The following CSMD1 variants were observed in gnomAD, a reference collection of about 807,000 sequenced individuals.
CSMD1 encodes the protein CUB and Sushi multiple domains 1.
Under a neutral mutation model 417.5 loss-of-function variants are expected in CSMD1, and 213 were observed. The ratio of observed to expected loss-of-function variants is 0.51; its 90% CI spans 0.46 to 0.57. The LOEUF is 0.57. CSMD1 is among the 20% of genes least tolerant of loss of function. CSMD1 has a pLI of 0.00. For synonymous variants in CSMD1, 2,862 were observed against 1,736.8 expected, an observed-to-expected ratio of 1.65 and a Z score of -16.11; for missense variants, 6,923 against 4,529.7, an observed-to-expected ratio of 1.53 and a Z score of -15.17.
intron 3 of CSMD1, among the ~76,000 whole-genome samples, chr8:4,284,461 C>A (rs1014586023): frequency 6.6e-6 from 1 of 151,830 alleles, no homozygotes; most frequent in African/African-American, 2.4e-5. Flanking sequence ...CCCTCCCCGT[C>A]ACCATGTGGC....
At chr8:3,254,110 A>G (rs999379840) in intron 26 of CSMD1, among the ~76,000 whole-genome samples, 3 of 152,048 alleles carry the variant, frequency 2.0e-5, no homozygotes, top group Admixed American at 2.0e-4. Flanking sequence ...TCTGTAAAGG[A>G]TTTTATTTCT....
At chr8:4,869,084 G>A (rs1176018161) in intron 1 of CSMD1, among the ~76,000 whole-genome samples, 4 of 151,788 alleles carry the variant, frequency 2.6e-5, no homozygotes, top group East Asian at 1.9e-4. Flanking sequence ...TTTTAAAAGA[G>A]AAACAATTTC....
chr8:3,251,787 G>C (rs928943544), intron 26 of CSMD1, among the ~76,000 whole-genome samples: 1 of 152,156 alleles, frequency 6.6e-6, no homozygotes, highest in Non-Finnish European at 1.5e-5. Flanking sequence ...CACATCCCTT[G>C]TCAGTTGGAT....
intron 25 of CSMD1, among the ~76,000 whole-genome samples, chr8:3,286,274 C>G (rs1803148316): frequency 6.6e-6 from 1 of 152,104 alleles, no homozygotes; most frequent in African/African-American, 2.4e-5. Flanking sequence ...GTGAATAGTG[C>G]CGCTATAAAC....
chr8:4,787,362 A>T, intron 1 of CSMD1: 1 of 730,160 alleles, frequency 1.4e-6, no homozygotes, highest in South Asian at 1.5e-5. Context: ...GAACACTGGT[A>T]AAAAATTGTA....
At chr8:4,198,360 C>G (rs1052295641) in intron 3 of CSMD1, among the ~76,000 whole-genome samples, 1 of 152,194 alleles carries the variant, frequency 6.6e-6, no homozygotes, top group African/African-American at 2.4e-5. Flanking sequence ...AAGCCAGGAG[C>G]CTGAACTTTG....
At chr8:3,417,589 T>A (rs2116958500) in intron 12 of CSMD1, among the ~76,000 whole-genome samples, 1 of 152,286 alleles carries the variant, frequency 6.6e-6, no homozygotes, top group South Asian at 2.1e-4. Flanking sequence ...AGCTACTACA[T>A]GCGGGAAGTG....
At chr8:4,627,750 A>C (rs941972730) in intron 2 of CSMD1, among the ~76,000 whole-genome samples, 4 of 152,154 alleles carry the variant, frequency 2.6e-5, no homozygotes, top group African/African-American at 9.7e-5. Flanking sequence ...AGTTCCAGCT[A>C]ACCTCTTTAA....
chr8:3,819,462 C>G (rs537255858), intron 5 of CSMD1, among the ~76,000 whole-genome samples: 2 of 151,978 alleles, frequency 1.3e-5, no homozygotes, highest in Admixed American at 1.3e-4. Context: ...TCCAACTTCA[C>G]CTTCAATCGT....
At chr8:3,223,123 C>T (rs1798309959) in intron 28 of CSMD1, among the ~76,000 whole-genome samples, 1 of 152,052 alleles carries the variant, frequency 6.6e-6, no homozygotes, top group Non-Finnish European at 1.5e-5. Context: ...TTATCATATA[C>T]CATATACTAA....
intron 2 of CSMD1, among the ~76,000 whole-genome samples, chr8:4,566,464 T>C (rs369468655): frequency 1.1e-4 from 17 of 151,448 alleles, no homozygotes; most frequent in Non-Finnish European, 1.9e-4. Context: ...CCATCCTGGC[T>C]AACAAGGTGA....
intron 52 of CSMD1, among the ~76,000 whole-genome samples, chr8:3,008,118 G>C (rs1012793567): frequency 1.3e-5 from 2 of 152,162 alleles, no homozygotes; most frequent in African/African-American, 2.4e-5. Flanking sequence ...AAGATGGATG[G>C]AGTATTGAGT....
In CSMD1 at chr8:4,483,004, A is replaced by G. The variant is rs112387890; in HGVS notation, c.303-62939T>C. ...AGTTAGGTAGTAAAATAGTTTAGCA[A>G]TTGATTGGTTTGGCTCTGCGTCCCC... On this transcript the variant is annotated intron_variant, in intron 2 of 69. Transcript: ENST00000635120. Among the ~76,000 whole-genome samples, 1,197 of 152,270 alleles carry G rather than the reference A, an allele frequency of 7.9e-3. 16 individuals are homozygous for G. The highest frequency in any genetic ancestry group is 0.027 in the African/African-American group (1,113 of 41,544).
intron 5 of CSMD1, among the ~76,000 whole-genome samples, chr8:3,766,858 T>C (rs918167752): frequency 6.6e-6 from 1 of 152,196 alleles, no homozygotes. Context: ...ATTTTCTTTT[T>C]TCTAGCAAAT....
At chr8:3,007,471 C>A (rs867523851) in intron 52 of CSMD1, among the ~76,000 whole-genome samples, 1 of 151,212 alleles carries the variant, frequency 6.6e-6, no homozygotes. Flanking sequence ...CACATGCACA[C>A]GTATGTTTAT....
intron 28 of CSMD1, among the ~76,000 whole-genome samples, chr8:3,222,063 C>G (rs781000803): frequency 6.6e-6 from 1 of 152,096 alleles, no homozygotes; most frequent in African/African-American, 2.4e-5. Flanking sequence ...TCTGCTTGAG[C>G]ACATGCAAAC....
intron 3 of CSMD1, among the ~76,000 whole-genome samples, chr8:4,226,588 G>C (rs1383206150): frequency 3.3e-5 from 5 of 151,812 alleles, no homozygotes; most frequent in Admixed American, 6.6e-5. Flanking sequence ...TTATTAAAAG[G>C]GCTGTATTTT....
intron 3 of CSMD1, among the ~76,000 whole-genome samples, chr8:4,405,371 C>A (rs773284142): frequency 6.6e-6 from 1 of 151,490 alleles, no homozygotes; most frequent in Non-Finnish European, 1.5e-5. Context: ...GGTTTAGATT[C>A]TGGCACAAAC....
At position 4,857,395 on chromosome 8, in the gene CSMD1, A is replaced by G. The variant is rs954801866; in HGVS notation, c.85+136937T>C. On this transcript the variant is annotated intron_variant, in intron 1 of 69. Coordinates refer to ENST00000635120, the MANE Select transcript of CSMD1 (RefSeq NM_033225.6). ...AGCAAACACATTCAAAAGCTAGCAG[A>G]AGGCAAGAAATAACTAAAATCAGAA... Among the ~76,000 whole-genome samples, 471 of 152,224 alleles carry G rather than the reference A, an allele frequency of 3.1e-3. 2 individuals carry two copies. Among genetic ancestry groups the G allele is most frequent in the African/African-American group, 0.011 (456 of 41,516 alleles).
Sources: gnomAD v4.1 joint callset for allele counts (sites outside exome capture counted in the v4.1 genomes callset) on GRCh38, gnomAD v4.1.1 for gene constraint, MANE v1.5 for transcripts, NCBI Gene and HGNC (gene_info 2026-07-23, HGNC 2026-07-21) for gene names.